DPP10: variants seen among roughly 807,000 people sequenced by gnomAD.
The protein encoded by DPP10 is inactive dipeptidyl peptidase 10.
A neutral mutation model predicts 120.9 loss-of-function variants in DPP10; 33 were observed. That is an observed-to-expected ratio of 0.27 (90% CI 0.21 to 0.37). The LOEUF (loss-of-function observed/expected upper bound fraction) is 0.37. Ranked by LOEUF, DPP10 falls within the 10% of genes least tolerant of loss-of-function variation. DPP10 has a pLI of 1.00. For synonymous variants in DPP10, 337 were observed against 326.1 expected, an observed-to-expected ratio of 1.03 and a Z score of -0.36; for missense variants, 816 against 942.8, an observed-to-expected ratio of 0.87 and a Z score of 1.76.
chr2:114,916,672 A>G (rs1694826739), intron 1 of DPP10, among the ~76,000 whole-genome samples: 1 of 152,236 alleles, frequency 6.6e-6, no homozygotes, highest in African/African-American at 2.4e-5. Context: ...GGTTCAACAT[A>G]TGCAAATAAA....
chr2:114,852,790 A>G (rs1574344387), intron 1 of DPP10, among the ~76,000 whole-genome samples: 1 of 152,184 alleles, frequency 6.6e-6, no homozygotes, highest in East Asian at 1.9e-4. Context: ...CACCCGGCAC[A>G]TAGAAAAAAC....
At chr2:114,959,909 T>C in intron 1 of DPP10, among the ~76,000 whole-genome samples, 1 of 152,226 alleles carries the variant, frequency 6.6e-6, no homozygotes, top group East Asian at 1.9e-4. Flanking sequence ...TAGTTTTTAA[T>C]TGGGCTATTT....
intron 3 of DPP10, among the ~76,000 whole-genome samples, chr2:115,382,338 C>T (rs1045418932): frequency 6.6e-6 from 1 of 152,186 alleles, no homozygotes; most frequent in Non-Finnish European, 1.5e-5. Context: ...CCGTCTGTCA[C>T]CCCTTTCTTT....
chr2:114,460,191 A>ATCTATCTATCTG (rs1409985530), intron 1 of DPP10, among the ~76,000 whole-genome samples: 1 of 151,630 alleles, frequency 6.6e-6, no homozygotes, highest in African/African-American at 2.4e-5. Context: ...CTATCTATCT[A>ATCTATCTATCTG]TCTATCTATC....
intron 5 of DPP10, among the ~76,000 whole-genome samples, chr2:115,603,560 G>GTTT (rs10637786): frequency 0.85 from 108,025 of 126,524 alleles, 46,941 homozygotes; most frequent in Non-Finnish European, 0.93. Flanking sequence ...CGTTGTTGTT[G>GTTT]TTTTTTTTTG....
chr2:115,412,268 C>T (rs1248213839), intron 3 of DPP10, among the ~76,000 whole-genome samples: 1 of 152,092 alleles, frequency 6.6e-6, no homozygotes, highest in Non-Finnish European at 1.5e-5. Context: ...TGGCTGCTAC[C>T]AGCATTGATC....
intron 4 of DPP10, among the ~76,000 whole-genome samples, chr2:115,509,284 C>CGAT (rs1391635803): frequency 2.6e-5 from 4 of 151,690 alleles, no homozygotes; most frequent in Non-Finnish European, 5.9e-5. Flanking sequence ...AAGATTTGGA[C>CGAT]GATAATAATA....
chr2:114,906,110 G>A (rs944393655), intron 1 of DPP10, among the ~76,000 whole-genome samples: 1 of 152,054 alleles, frequency 6.6e-6, no homozygotes, highest in African/African-American at 2.4e-5. Context: ...CGGGCACGGG[G>A]GCTCACACCT....
intron 3 of DPP10, among the ~76,000 whole-genome samples, chr2:115,416,075 T>C (rs1454980177): frequency 6.6e-6 from 1 of 151,904 alleles, no homozygotes; most frequent in African/African-American, 2.4e-5. Context: ...CTCAGAATAC[T>C]GAGGTAATTA....
intron 1 of DPP10, among the ~76,000 whole-genome samples, chr2:115,245,387 A>G (rs2058488198): frequency 1.3e-5 from 2 of 152,152 alleles, no homozygotes; most frequent in Non-Finnish European, 2.9e-5. Flanking sequence ...AATGCTCAAC[A>G]TCACTAATTA....
chr2:115,075,643 C>T (rs1332135689), intron 1 of DPP10, among the ~76,000 whole-genome samples: 1 of 151,012 alleles, frequency 6.6e-6, no homozygotes, highest in Non-Finnish European at 1.5e-5. Context: ...GTTTTCAAGA[C>T]ATTTGAGGCT....
chr2:114,726,790 C>G (rs1676355865), intron 1 of DPP10, among the ~76,000 whole-genome samples: 1 of 152,116 alleles, frequency 6.6e-6, no homozygotes, highest in South Asian at 2.1e-4. Flanking sequence ...AAGAAAATTG[C>G]AAGGATAAGC....
chr2:114,787,386 T>C (rs1295190116), intron 1 of DPP10, among the ~76,000 whole-genome samples: 3 of 152,206 alleles, frequency 2.0e-5, no homozygotes, highest in Non-Finnish European at 4.4e-5. Flanking sequence ...TCCTAATCCC[T>C]GGTTGGGAAA....
intron 3 of DPP10, among the ~76,000 whole-genome samples, chr2:115,380,007 T>C (rs1326008440): frequency 6.6e-6 from 1 of 152,174 alleles, no homozygotes; most frequent in East Asian, 1.9e-4. Context: ...TGTGGTGTGG[T>C]GCTGAAAAAA....
intron 1 of DPP10, among the ~76,000 whole-genome samples, chr2:115,117,494 GC>G (rs1380845240): frequency 1.3e-5 from 2 of 152,150 alleles, no homozygotes; most frequent in Non-Finnish European, 2.9e-5. Context: ...TATAACCCCA[GC>G]CACTCGAGAG....
intron 1 of DPP10, among the ~76,000 whole-genome samples, chr2:115,232,891 G>A (rs948407512): frequency 6.6e-6 from 1 of 152,076 alleles, no homozygotes; most frequent in African/African-American, 2.4e-5. Context: ...CAACTACCCC[G>A]AGATGCAAGT....
chr2:115,492,026 T>G (rs1225131838), intron 3 of DPP10, among the ~76,000 whole-genome samples: 1 of 152,060 alleles, frequency 6.6e-6, no homozygotes, highest in Non-Finnish European at 1.5e-5. Context: ...GCAGATATCT[T>G]CATCAGGAGT....
At chr2:115,041,946 T>C (rs941527646) in intron 1 of DPP10, among the ~76,000 whole-genome samples, 2 of 151,858 alleles carry the variant, frequency 1.3e-5, no homozygotes, top group Admixed American at 6.6e-5. Context: ...TTTCCAGCTG[T>C]AGAGATGTCA....
intron 5 of DPP10, among the ~76,000 whole-genome samples, chr2:115,592,191 A>G (rs2082703364): frequency 6.6e-6 from 1 of 152,204 alleles, no homozygotes; most frequent in East Asian, 1.9e-4. Flanking sequence ...ACAATAAGAT[A>G]CAGAAGCTTT....
Sources: gnomAD v4.1 joint callset for allele counts (sites outside exome capture counted in the v4.1 genomes callset) on GRCh38, gnomAD v4.1.1 for gene constraint, MANE v1.5 for transcripts, NCBI Gene and HGNC (gene_info 2026-07-23, HGNC 2026-07-21) for gene names.